GTSE1: variants seen among roughly 807,000 people sequenced by gnomAD.
GTSE1 encodes the protein G2 and S-phase expressed 1.
Under a neutral mutation model 60.5 loss-of-function variants are expected in GTSE1, and 52 were observed. The ratio of observed to expected loss-of-function variants is 0.86; its 90% CI spans 0.69 to 1.08. The LOEUF is 1.08. GTSE1 is among the 50% of genes least tolerant of loss of function. The pLI is 0.00. For missense variants in GTSE1, 937 were observed against 961.8 expected (o/e 0.97, Z 0.34); for synonymous variants, 368 against 386.5 (o/e 0.95, Z 0.56).
chr22:46,322,741 T>C (rs1159305103), intron 7 of GTSE1, among the ~76,000 whole-genome samples: 2 of 152,154 alleles, frequency 1.3e-5, no homozygotes, highest in Non-Finnish European at 2.9e-5. Context: ...AGTAAAGTCA[T>C]GGTTCGGGAA....
chr22:46,323,761 C>T (rs2077827596), intron 8 of GTSE1, among the ~76,000 whole-genome samples: 1 of 152,118 alleles, frequency 6.6e-6, no homozygotes, highest in Admixed American at 6.5e-5. Context: ...GATCTCGGCT[C>T]ACTGCAAACT....
Position 46,329,427 on chromosome 22 carries a change from G to A in GTSE1, c.1996G>A (p.Asp666Asn), listed in dbSNP as rs1601920075. Residue 666 changes from aspartate (D) to asparagine (N), a missense_variant, in exon 11 of 12, where the codon GAC becomes AAC. Asp to Asn is a conservative substitution (Grantham distance 23). Coordinates refer to ENST00000454366, the MANE Select transcript of GTSE1 (RefSeq NM_016426.7). This position sits in a 1 kb window ranked among gnomAD's most constrained non-coding sequence, Gnocchi z 6.4. ...TPDAASQPLI[D>N]LPLIDFCDTP... ...AGATGCTGCAAGCCAGCCCCTCATT[G>A]ACCTTCCTCTCATCGACTTCTGCGA... 1.2e-6 allele frequency: 2 copies of A among 1,614,182 alleles called. No homozygotes were observed. Among genetic ancestry groups the A allele is most frequent in the East Asian group, 2.2e-5 (1 of 44,874 alleles).
In GTSE1 at chr22:46,306,641, C is replaced by T. The variant is rs551848875; in HGVS notation, c.80-1509C>T. 5.3e-5 allele frequency among the ~76,000 whole-genome samples: 8 copies of T among 152,224 alleles called. No homozygotes were observed. In the South Asian group the frequency reaches 8.3e-4, roughly 16 times the overall value. Reference sequence around the variant, plus strand: ...GATTACAGGTGCACACCACCACGCTCGGCTAATTTTTTTATTCTTTATTTT... The same window carrying T: ...GATTACAGGTGCACACCACCACGCTTGGCTAATTTTTTTATTCTTTATTTT... On this transcript the variant is annotated intron_variant, in intron 2 of 11. Transcript: ENST00000454366.
In GTSE1 at chr22:46,321,183, C is replaced by T. The variant is rs778450155; in HGVS notation, c.1433-2007C>T. ...GATTATGGGATGACTTAGTCACAGA[C>T]CACCCCACTCCATACAAGAAAACAA... On this transcript the variant is annotated intron_variant, in intron 7 of 11. Transcript: ENST00000454366. This position sits in a 1 kb window ranked among gnomAD's most constrained non-coding sequence, Gnocchi z 4.0. 8.3e-4 allele frequency among the ~76,000 whole-genome samples: 127 copies of T among 152,194 alleles called. 1 individual carries two copies. The highest frequency in any genetic ancestry group is 1.6e-3 in the Non-Finnish European group (110 of 68,024).
At position 46,324,885 on chromosome 22, in the gene GTSE1, C is replaced by T. The variant is rs945095407; in HGVS notation, c.1506-1551C>T. On this transcript the variant is annotated intron_variant, in intron 8 of 11. Transcript: ENST00000454366. The surrounding 1 kb of genome is among the most constrained non-coding windows in gnomAD (Gnocchi z 5.2). ...CTGTTTTCAGGCTCCTTTTGAAGAA[C>T]GTAACAATTGCCCAGAATAGAGCAA... Among the ~76,000 whole-genome samples the T allele has an allele frequency of 1.3e-5, 2 of 152,152 alleles. No individual in the cohort carries two copies. Among genetic ancestry groups the T allele is most frequent in the East Asian group, 1.9e-4 (1 of 5,192 alleles).
In GTSE1 at chr22:46,329,552, A is replaced by C. The variant is rs112385158; in HGVS notation, c.2121A>C (p.Ser707=). The change falls in exon 11 of 12, where the codon TCA becomes TCC. Residue 707 remains serine (S), a synonymous_variant. Transcript: ENST00000454366. This position sits in a 1 kb window ranked among gnomAD's most constrained non-coding sequence, Gnocchi z 6.4. ...TGAATAAAAATGTGGCCAAACCTTC[A>C]CCGGTGGTGGGACAGGTGAGAAGTG... ...PDMNKNVAKP[S]PVVGQLIDLS... is the part of the protein sequence containing the mutation. 1.2e-6 allele frequency: 2 copies of C among 1,613,940 alleles called. No individual in the cohort carries two copies. The highest frequency in any genetic ancestry group is 1.7e-5 in the Admixed American group (1 of 60,018).
intron 2 of GTSE1, among the ~76,000 whole-genome samples, chr22:46,298,894 C>G (rs932762732): frequency 1.3e-5 from 2 of 152,220 alleles, no homozygotes; most frequent in South Asian, 2.1e-4. Flanking sequence ...TCACTTGTCG[C>G]CACGTCTCCT....
chr22:46,298,839 A>G (rs1203183850), intron 2 of GTSE1, among the ~76,000 whole-genome samples: 1 of 151,846 alleles, frequency 6.6e-6, no homozygotes, highest in Non-Finnish European at 1.5e-5. Flanking sequence ...TCCCCTGTCC[A>G]CTACTGGATC....
Position 46,330,425 on chromosome 22 carries a change from G to A in GTSE1, c.*295G>A. The A allele has an allele frequency of 1.3e-5, 4 of 296,340 alleles. No homozygotes were observed. Among genetic ancestry groups the A allele is most frequent in the Non-Finnish European group, 1.9e-5 (3 of 156,984 alleles). The allele number at this position is 296,340 out of a possible 1,614,324, so 18.4% of individuals were successfully genotyped here. Reference sequence around the variant, plus strand: ...TGAGCTCAAGGAGATGCAGGCTGCAGTGGGCTGTGATTGTGCCACTGCACT... The same window carrying A: ...TGAGCTCAAGGAGATGCAGGCTGCAATGGGCTGTGATTGTGCCACTGCACT... On this transcript the variant is annotated 3_prime_UTR_variant, in exon 12 of 12. Transcript: ENST00000454366. The surrounding 1 kb of genome is among the most constrained non-coding windows in gnomAD (Gnocchi z 6.0).
chr22:46,316,500 G>T lies in GTSE1; in HGVS notation c.1432+88G>T. 1 of 953,534 alleles carries T rather than the reference G, an allele frequency of 1.0e-6. No individual in the cohort carries two copies. The highest frequency in any genetic ancestry group is 1.6e-6 in the Non-Finnish European group (1 of 628,238). 59.1% of individuals were successfully genotyped at this position (953,534 alleles called of 1,614,324 possible). A position where few individuals can be genotyped will look rare whatever the true frequency, so the allele number is the denominator to read the frequency against. On this transcript the variant is annotated intron_variant, in intron 7 of 11. Transcript: ENST00000454366. This position sits in a 1 kb window ranked among gnomAD's most constrained non-coding sequence, Gnocchi z 5.0. ...TTAAACAATTATTGATGGCATTGATGGTGTTTTTAGTTCTTTCCTCCAACA... is the reference window on the plus strand; with the variant it reads ...TTAAACAATTATTGATGGCATTGATTGTGTTTTTAGTTCTTTCCTCCAACA...
In GTSE1 at chr22:46,316,251, C is replaced by T. The variant is rs573024830; in HGVS notation, c.1271C>T (p.Pro424Leu). 6.7e-5 allele frequency: 108 copies of T among 1,613,824 alleles called. 1 individual carries two copies. In the South Asian group the frequency reaches 1.1e-3, roughly 16 times the overall value. The change falls in exon 7 of 12, where the codon CCG becomes CTG. Residue 424 changes from proline to leucine, a missense_variant. Physicochemically the swap from Pro to Leu is moderately conservative, Grantham distance 98 (BLOSUM62 -3). Coordinates refer to ENST00000454366, the MANE Select transcript of GTSE1 (RefSeq NM_016426.7). The surrounding 1 kb of genome is among the most constrained non-coding windows in gnomAD (Gnocchi z 5.0). ...PSASPTQPQT[P>L]EGGGQWLNSS... ...GCATCCCCCACCCAACCCCAGACTC[C>T]GGAAGGTGGCGGCCAGTGGCTGAAC...
At position 46,316,058 on chromosome 22, in the gene GTSE1, C is replaced by A. The variant is rs1381008670; in HGVS notation, c.1078C>A (p.Pro360Thr). 11 of 1,514,346 alleles carry A rather than the reference C, an allele frequency of 7.3e-6. No individual in the cohort carries two copies. The highest frequency in any genetic ancestry group is 9.7e-6 in the Non-Finnish European group (11 of 1,130,512). The allele number at this position is 1,514,346 out of a possible 1,614,324, so 93.8% of individuals were successfully genotyped here. The change falls in exon 7 of 12, where the codon CCT becomes ACT. Residue 360 changes from proline to threonine, a missense_variant. Transcript: ENST00000454366. The surrounding 1 kb of genome is among the most constrained non-coding windows in gnomAD (Gnocchi z 5.0). ...TAAATCAAGTGAATTTGCAAGTATT[C>A]CTGCAAATAGCTCCCGGCCTCTGTC... is the stretch of plus-strand genomic sequence containing the variant. ...KAKSSEFASI[P>T]ANSSRPLSNI... is the part of the protein sequence containing the mutation.
Position 46,326,587 on chromosome 22 carries a change from G to A in GTSE1, c.1657G>A (p.Val553Met), listed in dbSNP as rs147391974. The A allele has an allele frequency of 3.7e-4, 602 of 1,613,924 alleles. 1 individual carries two copies. Among genetic ancestry groups the A allele is most frequent in the Non-Finnish European group, 4.3e-4 (505 of 1,179,952 alleles). The change falls in exon 9 of 12, where the codon GTG (valine) becomes ATG (methionine). Residue 553 changes from valine to methionine, a missense_variant. Transcript: ENST00000454366. ...GACCCCCAAAACGATGCCCAGGGCC[G>A]TGGGCTCTCCCCTGTGTGTGCCAGC... ...PMTPKTMPRA[V>M]GSPLCVPARR...
At position 46,328,824 on chromosome 22, in the gene GTSE1, A is replaced by G; in HGVS notation, c.1861A>G (p.Lys621Glu). 6.2e-7 allele frequency: 1 copy of G among 1,613,932 alleles called. No individual in the cohort carries two copies. Among genetic ancestry groups the G allele is most frequent in the Non-Finnish European group, 8.5e-7 (1 of 1,179,870 alleles). Reference sequence around the variant, plus strand: ...AGAGGAAAGCGATTCTACTTTCTCCAAAAGTACTGCCACAGAAGTAGCTCG... The same window carrying G: ...AGAGGAAAGCGATTCTACTTTCTCCGAAAGTACTGCCACAGAAGTAGCTCG... ...SPEESDSTFS[K>E]STATEVAREE... Residue 621 changes from lysine (K) to glutamate (E), a missense_variant, in exon 10 of 12, where the codon AAA becomes GAA. Lys to Glu is a moderately conservative substitution (Grantham distance 56, BLOSUM62 1). Transcript: ENST00000454366.
chr22:46,312,310 G>T lies in GTSE1; in HGVS notation c.927+5G>T. The T allele has an allele frequency of 6.2e-7, 1 of 1,606,506 alleles. No homozygotes were observed. The highest frequency in any genetic ancestry group is 1.7e-4 in the Middle Eastern group (1 of 6,012). On this transcript the variant is annotated splice_donor_5th_base_variant and intron_variant, in intron 5 of 11. Transcript: ENST00000454366. ...GCGATCCCTGTTCCAAACAAGGTGA[G>T]TTGGCTGCTGGGGCCCAAACTTGTG...
At chr22:46,306,629 C>T (rs897979163) in intron 2 of GTSE1, among the ~76,000 whole-genome samples, 2 of 151,948 alleles carry the variant, frequency 1.3e-5, no homozygotes, top group East Asian at 3.9e-4. Flanking sequence ...TACAGGTGCA[C>T]ACCACCACGC....
At position 46,321,758 on chromosome 22, in the gene GTSE1, C is replaced by T. The variant is rs1046014699; in HGVS notation, c.1433-1432C>T. Among the ~76,000 whole-genome samples, 1 of 152,112 alleles carries T rather than the reference C, an allele frequency of 6.6e-6. No individual in the cohort carries two copies. Among genetic ancestry groups the T allele is most frequent in the Non-Finnish European group, 1.5e-5 (1 of 68,032 alleles). The stretch of plus-strand genomic sequence containing the variant: ...TCATTTTTAAAAACTGTGCATGAGT[C>T]ACTTTGATAGAGGTGATTTTTAAAA... On this transcript the variant is annotated intron_variant, in intron 7 of 11. Transcript: ENST00000454366. This position sits in a 1 kb window ranked among gnomAD's most constrained non-coding sequence, Gnocchi z 4.0.
chr22:46,308,570 G>A lies in GTSE1; in HGVS notation c.389G>A (p.Arg130Gln), dbSNP rs141545267. The A allele has an allele frequency of 4.5e-5, 73 of 1,614,144 alleles. No homozygotes were observed. The African/African-American group carries it at 7.7e-4, about 17-fold the overall frequency. Residue 130 changes from arginine to glutamine, a missense_variant, in exon 4 of 12, where the codon CGG becomes CAG. Physicochemically the swap from Arg to Gln is conservative, Grantham distance 43. Coordinates refer to ENST00000454366, the MANE Select transcript of GTSE1 (RefSeq NM_016426.7). The stretch of plus-strand genomic sequence containing the variant: ...CAAGCTGCCAAGCCTGAAGACCCTC[G>A]GAGCCAGGGCGTGGAAAGATTCATA... ...AAQAAKPEDP[R>Q]SQGVERFIQE... is the part of the protein sequence containing the mutation.
Position 46,318,923 on chromosome 22 carries a change from G to GGT in GTSE1, c.1432+2512_1432+2513insTG, listed in dbSNP as rs773914252. 0.018 allele frequency among the ~76,000 whole-genome samples: 2,758 copies of GGT among 152,248 alleles called. 90 individuals carry two copies. Among genetic ancestry groups the GGT allele is most frequent in the African/African-American group, 0.062 (2,586 of 41,516 alleles). ...GCTCTGGCCCTCATACCTCCCGGCA[G>GGT]GAAGCCTTCTTCTAGGTGAAGAAGA... On this transcript the variant is annotated intron_variant, in intron 7 of 11. Transcript: ENST00000454366. This position sits in a 1 kb window ranked among gnomAD's most constrained non-coding sequence, Gnocchi z 4.8.
Sources: allele counts gnomAD v4.1 joint callset (sites outside exome capture counted in the v4.1 genomes callset), GRCh38; gene constraint gnomAD v4.1.1; non-coding constraint Gnocchi (gnomAD v3.1); transcripts MANE v1.5; gene names NCBI Gene and HGNC (gene_info 2026-07-23, HGNC 2026-07-21).